KALRN: variants seen among roughly 807,000 people sequenced by gnomAD.
KALRN encodes kalirin RhoGEF kinase, also known as kalirin.
Under a neutral mutation model 353.7 loss-of-function variants are expected in KALRN, and 70 were observed. The observed-to-expected ratio is 0.20, with a 90% CI of 0.16 to 0.24. The LOEUF (loss-of-function observed/expected upper bound fraction) is 0.24, where lower values mean the gene tolerates loss of function less well. Ranked by LOEUF, KALRN falls within the 10% of genes least tolerant of loss-of-function variation. KALRN has a pLI of 1.00. For synonymous variants in KALRN, 1,391 were observed against 1,434.8 expected (o/e 0.97, Z 0.69); for missense variants, 2,791 against 3,756.7 (o/e 0.74, Z 6.72).
intron 34 of KALRN, among the ~76,000 whole-genome samples, chr3:124,577,866 AAAAC>A (rs36146228): frequency 6.0e-4 from 30 of 50,272 alleles, no homozygotes; most frequent in East Asian, 5.3e-3. Context: ...CCTCCAAAAC[AAAAC>A]AAACAAACAA....
intron 4 of KALRN, among the ~76,000 whole-genome samples, chr3:124,266,755 A>G (rs2073603117): frequency 6.6e-6 from 1 of 152,218 alleles, no homozygotes; most frequent in Non-Finnish European, 1.5e-5. Context: ...CTCTGTGTAA[A>G]CAATACAAGA....
chr3:124,709,131 G>C (rs1394768153), intron 57 of KALRN, among the ~76,000 whole-genome samples: 1 of 151,752 alleles, frequency 6.6e-6, no homozygotes, highest in Non-Finnish European at 1.5e-5. Context: ...GTAGAAGAAA[G>C]GAAACAAACT....
rs117911576 is a variant in KALRN at position 124,128,864 on chromosome 3, G to A, written c.73+95051G>A. Among the ~76,000 whole-genome samples the A allele has an allele frequency of 3.2e-4, 48 of 152,140 alleles. No individual in the cohort carries two copies. In the East Asian group the frequency reaches 7.7e-3, roughly 25 times the overall value. On this transcript the variant is annotated intron_variant, in intron 1 of 59. Transcript: ENST00000682506. ...TCTGTGGTCCAGAGTCATCTCATTG[G>A]TCTAAACATTGTGTGCTTGTTCCCT... is the stretch of plus-strand genomic sequence containing the variant.
intron 5 of KALRN, among the ~76,000 whole-genome samples, chr3:124,290,874 C>T (rs986990634): frequency 6.6e-6 from 1 of 152,090 alleles, no homozygotes; most frequent in Admixed American, 6.5e-5. Context: ...ATTAACATAT[C>T]ATGGAGATAA....
rs552227239 is a variant in KALRN at position 124,464,441 on chromosome 3, T to C, written c.4031+1808T>C. 3.9e-5 allele frequency among the ~76,000 whole-genome samples: 6 copies of C among 152,298 alleles called. No homozygotes were observed. The East Asian group carries it at 1.2e-3, about 29-fold the overall frequency. ...AAACCATGGTAAACAGTTTTGTAGT[T>C]TTCTAAATAGCTGAAAATCTACCTA... is the stretch of plus-strand genomic sequence containing the variant. On this transcript the variant is annotated intron_variant, in intron 25 of 59. Transcript: ENST00000682506.
intron 33 of KALRN, among the ~76,000 whole-genome samples, chr3:124,517,377 G>A (rs1428049965): frequency 6.6e-6 from 1 of 152,132 alleles, no homozygotes; most frequent in South Asian, 2.1e-4. Context: ...GAGAGTTTCA[G>A]ACTGTTTTTC....
intron 21 of KALRN, among the ~76,000 whole-genome samples, chr3:124,448,710 A>G (rs1423700600): frequency 6.6e-6 from 1 of 152,062 alleles, no homozygotes; most frequent in African/African-American, 2.4e-5. Context: ...CCTTGTCCGT[A>G]TAACCCTTCA....
chr3:124,180,112 T>C (rs535393021), intron 1 of KALRN, among the ~76,000 whole-genome samples: 1 of 152,306 alleles, frequency 6.6e-6, no homozygotes, highest in East Asian at 1.9e-4. Context: ...GGTGGGGGTA[T>C]GTTCAACCTT....
intron 1 of KALRN, among the ~76,000 whole-genome samples, chr3:124,043,983 A>T (rs1317672): frequency 4.6e-5 from 7 of 152,054 alleles, no homozygotes; most frequent in Non-Finnish European, 7.3e-5. Flanking sequence ...AGGGTACTGT[A>T]TCAGTGATGG....
intron 19 of KALRN, among the ~76,000 whole-genome samples, chr3:124,442,845 T>G (rs2093709758): frequency 6.6e-6 from 1 of 151,980 alleles, no homozygotes; most frequent in Admixed American, 6.6e-5. Flanking sequence ...ATTAGCCTGG[T>G]ATGGTGGCGT....
chr3:124,664,586 T>C (rs1397639165), intron 45 of KALRN, among the ~76,000 whole-genome samples: 9 of 152,110 alleles, frequency 5.9e-5, no homozygotes, highest in African/African-American at 1.7e-4. Context: ...AATTTTTGTA[T>C]TTTTAATATA....
chr3:124,655,726 A>G, intron 39 of KALRN, 59 bp downstream of exon 39: 2 of 1,226,198 alleles, frequency 1.6e-6, no homozygotes, highest in East Asian at 2.3e-5. Flanking sequence ...GTTGGACCCT[A>G]CCTAGGCCAA....
chr3:124,369,127 AT>A (rs1430976628), intron 10 of KALRN, among the ~76,000 whole-genome samples: 2 of 152,152 alleles, frequency 1.3e-5, no homozygotes, highest in African/African-American at 4.8e-5. Context: ...ATTTTATTGT[AT>A]TTCTCCAAGC....
At chr3:124,082,219 T>C (rs564954370) in intron 1 of KALRN, 7 of 469,508 alleles carry the variant, frequency 1.5e-5, no homozygotes, top group Admixed American at 9.5e-5. Flanking sequence ...AGATTCTTCA[T>C]TGAGGAAAAG....
intron 25 of KALRN, 82 bp from the exon 26 acceptor site, chr3:124,474,581 A>G: frequency 2.9e-6 from 3 of 1,035,068 alleles, no homozygotes; most frequent in Non-Finnish European, 4.6e-6. Flanking sequence ...TTGAGAAGTT[A>G]TGGTTGTGCT....
At chr3:124,635,792 A>C (rs1469559174) in intron 36 of KALRN, among the ~76,000 whole-genome samples, 1 of 152,144 alleles carries the variant, frequency 6.6e-6, no homozygotes, top group Non-Finnish European at 1.5e-5. Context: ...CTAAAATTGC[A>C]TGAATTTTTT....
intron 35 of KALRN, among the ~76,000 whole-genome samples, chr3:124,633,085 G>A (rs1211622167): frequency 6.6e-6 from 1 of 152,216 alleles, no homozygotes; most frequent in Non-Finnish European, 1.5e-5. Context: ...GGAGATTGTA[G>A]CTGTTTTCAA....
At position 124,679,468 on chromosome 3, in the gene KALRN, G is replaced by A. The variant is rs1370881839; in HGVS notation, c.7328G>A (p.Ser2443Asn). The A allele has an allele frequency of 1.2e-6, 2 of 1,613,854 alleles. No individual in the cohort carries two copies. Among genetic ancestry groups the A allele is most frequent in the Non-Finnish European group, 1.7e-6 (2 of 1,179,846 alleles). Residue 2443 changes from serine to asparagine, a missense_variant, in exon 51 of 60, where the codon AGT becomes AAT. Ser to Asn is a conservative substitution (Grantham distance 46, BLOSUM62 1). Around this residue, in one of 11 missense-constraint regions of KALRN, gnomAD observed 1,065 missense variants for 1,156.4 expected, o/e 0.92. Coordinates refer to ENST00000682506, the MANE Select transcript of KALRN (RefSeq NM_001388419.1). ...GNKVSVKETN[S>N]SEESECDDLD... ...ATGCTGCCAATCAAGGAGACGAACA[G>A]TTCCGAGGAATCAGAGTGTGATGAT...
chr3:124,153,985 CTTGT>C (rs1366002492), intron 1 of KALRN, among the ~76,000 whole-genome samples: 2 of 151,810 alleles, frequency 1.3e-5, no homozygotes, highest in Non-Finnish European at 2.9e-5. Flanking sequence ...TTCTTGTAAA[CTTGT>C]TTGAGTTCAT....
Sources: gnomAD v4.1 joint callset for allele counts (sites outside exome capture counted in the v4.1 genomes callset) on GRCh38, gnomAD v4.1.1 for gene constraint, gnomAD v4.1.1 regional missense constraint, MANE v1.5 for transcripts, NCBI Gene and HGNC (gene_info 2026-07-23, HGNC 2026-07-21) for gene names.